The following ZNF37A variants were observed in gnomAD, a reference collection of about 807,000 sequenced individuals.
ZNF37A encodes the protein zinc finger protein 37a (KOX 21).
In ZNF37A, 10 loss-of-function variants were observed where a neutral mutation model predicts 12.3. That is an observed-to-expected ratio of 0.82 (90% CI 0.50 to 1.38). ZNF37A has a LOEUF of 1.38. ZNF37A is among the 40% of genes most tolerant of loss of function. The pLI is 0.00. For synonymous variants in ZNF37A, 207 were observed against 223.0 expected, an observed-to-expected ratio of 0.93 and a Z score of 0.64; for missense variants, 580 against 651.2, an observed-to-expected ratio of 0.89 and a Z score of 1.19.
Position 38,124,187 on chromosome 10 carries a change from G to A in ZNF37A, c.*5350G>A, listed in dbSNP as rs989211458. On this transcript the variant is annotated 3_prime_UTR_variant, in exon 8 of 8. Transcript: ENST00000685332. ...AGATCCTGTCATTTGCAACATTGTAGATGGAACTAGAGATCATTAAGTGAA... is the reference window on the plus strand; with the variant it reads ...AGATCCTGTCATTTGCAACATTGTAAATGGAACTAGAGATCATTAAGTGAA... 6.6e-6 allele frequency: 1 copy of A among 152,126 alleles called. No homozygotes were observed. The highest frequency in any genetic ancestry group is 1.5e-5 in the Non-Finnish European group (1 of 68,048). The allele number at this position is 152,126 out of a possible 1,614,324, so 9.4% of individuals were successfully genotyped here.
downstream of ZNF37A, among the ~76,000 whole-genome samples, chr10:38,129,304 TA>T (rs775705417): frequency 0.024 from 1,385 of 56,910 alleles, 190 homozygotes; most frequent in East Asian, 0.27. Context: ...AGACTCTGTC[TA>T]AAAAAAAAAA....
chr10:38,102,572 AAGAG>A (rs1441223477), intron 5 of ZNF37A, among the ~76,000 whole-genome samples: 2 of 152,224 alleles, frequency 1.3e-5, no homozygotes, highest in Non-Finnish European at 2.9e-5. Context: ...ACATAAAAAA[AAGAG>A]AGAACATAAA....
rs760818353 is a variant in ZNF37A at position 38,115,107 on chromosome 10, G to GTGTGTGTGTGTGTGTA, written c.143-79_143-78insGTGTGTATGTGTGTGT. The GTGTGTGTGTGTGTGTA allele has an allele frequency of 9.8e-4, 898 of 917,028 alleles. 4 individuals carry two copies. Among genetic ancestry groups the GTGTGTGTGTGTGTGTA allele is most frequent in the Middle Eastern group, 2.4e-3 (7 of 2,972 alleles). 56.8% of individuals were successfully genotyped at this position (917,028 alleles called of 1,614,324 possible). ...TGTGTGTGTGTGTGTGTGTGTGTGT[G>GTGTGTGTGTGTGTGTA]TGTGTGTGTACTGTTTGGGGTATAC... On this transcript the variant is annotated intron_variant, in intron 6 of 7. Transcript: ENST00000685332.
At chr10:38,144,756 C>G (rs1390410206) in intron 7 of ZNF37A, among the ~76,000 whole-genome samples, 1 of 152,036 alleles carries the variant, frequency 6.6e-6, no homozygotes, top group Non-Finnish European at 1.5e-5. Flanking sequence ...ATAATAGAAT[C>G]TTGAATTCTT....
chr10:38,116,803 G>A (rs1364987259), intron 7 of ZNF37A, among the ~76,000 whole-genome samples: 1 of 152,104 alleles, frequency 6.6e-6, no homozygotes, highest in East Asian at 1.9e-4. Flanking sequence ...TATTTCTAGT[G>A]AATCAGAGCT....
intron 5 of ZNF37A, among the ~76,000 whole-genome samples, chr10:38,100,910 T>C (rs1188359356): frequency 6.6e-6 from 1 of 152,180 alleles, no homozygotes; most frequent in African/African-American, 2.4e-5. Context: ...GGGGAACTAA[T>C]AAATGTCCGT....
At position 38,120,815 on chromosome 10, in the gene ZNF37A, A is replaced by G. The variant is rs1387740152; in HGVS notation, c.*1978A>G. On this transcript the variant is annotated 3_prime_UTR_variant, in exon 8 of 8. Coordinates refer to ENST00000685332, the MANE Select transcript of ZNF37A (RefSeq NM_001324250.3). ...ATATAATTTCTCAAGAAATTTCCAGATGTCTCATGCTGCATAGGGCAGGAG... is the reference window on the plus strand; with the variant it reads ...ATATAATTTCTCAAGAAATTTCCAGGTGTCTCATGCTGCATAGGGCAGGAG... The G allele has an allele frequency of 1.3e-5, 2 of 152,256 alleles. No homozygotes were observed. The highest frequency in any genetic ancestry group is 4.8e-5 in the African/African-American group (2 of 41,466). The allele number at this position is 152,256 out of a possible 1,614,324, so 9.4% of individuals were successfully genotyped here.
rs780750618 is a variant in ZNF37A at position 38,124,593 on chromosome 10, TTAAAAA to T, written c.*5761_*5766del. The T allele has an allele frequency of 6.6e-6, 1 of 152,090 alleles. No homozygotes were observed. Among genetic ancestry groups the T allele is most frequent in the Non-Finnish European group, 1.5e-5 (1 of 68,016 alleles). 9.4% of individuals were successfully genotyped at this position (152,090 alleles called of 1,614,324 possible). ...TACACCTAGTATGTACCCACAAAAATTAAAAATAAAGTAAAATTTCAATGATTAGGA... is the reference window on the plus strand; with the variant it reads ...TACACCTAGTATGTACCCACAAAAATTAAAGTAAAATTTCAATGATTAGGA... On this transcript the variant is annotated 3_prime_UTR_variant, in exon 8 of 8. Coordinates refer to ENST00000685332, the MANE Select transcript of ZNF37A (RefSeq NM_001324250.3).
chr10:38,118,373 GAA>G lies in ZNF37A; in HGVS notation c.1226_1227del (p.Lys409ThrfsTer3), dbSNP rs1450358422. The G allele has an allele frequency of 2.5e-6, 4 of 1,613,510 alleles. No homozygotes were observed. Among genetic ancestry groups the G allele is most frequent in the Non-Finnish European group, 3.4e-6 (4 of 1,179,942 alleles). On this transcript the variant is annotated frameshift_variant, in exon 8 of 8. Coordinates refer to ENST00000685332, the MANE Select transcript of ZNF37A (RefSeq NM_001324250.3). LOFTEE classifies it low-confidence loss of function (END_TRUNC). ...LIKHQRIHTG[E>X]KPYECNECGK... ...TAAACATCAAAGAATACACACAGGT[GAA>G]AAACCTTATGAATGTAATGAATGTG... is the stretch of plus-strand genomic sequence containing the variant.
Position 38,119,247 on chromosome 10 carries a change from C to T in ZNF37A, c.*410C>T. 1.9e-6 allele frequency: 2 copies of T among 1,046,376 alleles called. No homozygotes were observed. The highest frequency in any genetic ancestry group is 2.3e-6 in the Non-Finnish European group (2 of 855,872). 64.8% of individuals were successfully genotyped at this position (1,046,376 alleles called of 1,614,324 possible). On this transcript the variant is annotated 3_prime_UTR_variant, in exon 8 of 8. Transcript: ENST00000685332. ...TTGGGTGTAATGAATGTGGGAAAAC[C>T]TTTCATCAGAAGTCAGCTCTAATTG... is the stretch of plus-strand genomic sequence containing the variant.
intron 5 of ZNF37A, among the ~76,000 whole-genome samples, chr10:38,100,288 A>T (rs1212323309): frequency 6.6e-6 from 1 of 152,242 alleles, no homozygotes; most frequent in Non-Finnish European, 1.5e-5. Context: ...CACCATTGTC[A>T]TTGATAACAT....
chr10:38,097,583 C>CAAAAAAAAAAAAAAAAAAAAAAAA (rs71007695), intron 5 of ZNF37A, among the ~76,000 whole-genome samples: 13 of 61,946 alleles, frequency 2.1e-4, no homozygotes, highest in Non-Finnish European at 2.5e-4. Flanking sequence ...GACTCTGTCT[C>CAAAAAAAAAAAAAAAAAAAAAAAA]AAAAAAAAAA....
chr10:38,140,729 A>G (rs950233687), intron 7 of ZNF37A: 12 of 152,318 alleles, frequency 7.9e-5, no homozygotes, highest in African/African-American at 2.4e-4. Flanking sequence ...ACATTCTCCA[A>G]TATAATGATT....
chr10:38,114,780 C>G lies in ZNF37A; in HGVS notation c.41C>G (p.Thr14Ser), dbSNP rs1219146156. The stretch of plus-strand genomic sequence containing the variant: ...GGATCAGTGTCGTTTAGGGATGTGA[C>G]TGTGGGCTTCACTCAAGAGGAGTGG... Reference protein sequence around the residue: ...SQGSVSFRDVTVGFTQEEWQH... With the variant: ...SQGSVSFRDVSVGFTQEEWQH... Residue 14 changes from threonine to serine, a missense_variant, in exon 6 of 8, where the codon ACT becomes AGT. Physicochemically the swap from Thr to Ser is moderately conservative, Grantham distance 58. Coordinates refer to ENST00000685332, the MANE Select transcript of ZNF37A (RefSeq NM_001324250.3). 1.2e-6 allele frequency: 2 copies of G among 1,613,826 alleles called. No individual in the cohort carries two copies. Among genetic ancestry groups the G allele is most frequent in the East Asian group, 2.2e-5 (1 of 44,862 alleles).
At chr10:38,104,465 G>GTTTTTTTTT (rs910108245) in intron 5 of ZNF37A, among the ~76,000 whole-genome samples, 1 of 147,316 alleles carries the variant, frequency 6.8e-6, no homozygotes, top group Non-Finnish European at 1.5e-5. Context: ...GGTGTTTTTT[G>GTTTTTTTTT]TTTTTTTTTT....
chr10:38,106,496 A>G (rs1282093297), intron 5 of ZNF37A, among the ~76,000 whole-genome samples: 1 of 152,184 alleles, frequency 6.6e-6, no homozygotes, highest in Admixed American at 6.5e-5. Context: ...CTGGACAGAG[A>G]ATGAGTTTGA....
At position 38,118,203 on chromosome 10, in the gene ZNF37A, G is replaced by A. The variant is rs147833808; in HGVS notation, c.1052G>A (p.Gly351Glu). Residue 351 changes from glycine to glutamate, a missense_variant, in exon 8 of 8, where the codon GGG becomes GAG. Coordinates refer to ENST00000685332, the MANE Select transcript of ZNF37A (RefSeq NM_001324250.3). ...TLTQHQRTHT[G>E]EKPYECHECG... ...ACTCAACATCAAAGAACGCACACAG[G>A]GGAGAAACCATATGAATGTCATGAA... 1.2e-3 allele frequency: 1,952 copies of A among 1,613,988 alleles called. 3 individuals are homozygous for A. Among genetic ancestry groups the A allele is most frequent in the Non-Finnish European group, 1.2e-3 (1,443 of 1,179,940 alleles).
At chr10:38,139,603 T>A (rs2070154924) in intron 7 of ZNF37A, 1 of 152,224 alleles carries the variant, frequency 6.6e-6, no homozygotes, top group South Asian at 2.1e-4. Context: ...CTTGACCTCA[T>A]GATCTGCCCA....
At position 38,112,734 on chromosome 10, in the gene ZNF37A, TCTTTTCTTTTCTTTTCTTTTC is replaced by T. The variant is rs2068803577; in HGVS notation, c.16-2020_16-2000del. Among the ~76,000 whole-genome samples, 19 of 49,898 alleles carry T rather than the reference TCTTTTCTTTTCTTTTCTTTTC, an allele frequency of 3.8e-4. 3 individuals carry two copies. Among genetic ancestry groups the T allele is most frequent in the African/African-American group, 6.4e-4 (8 of 12,522 alleles). 32.7% of individuals were successfully genotyped at this position (49,898 alleles called of 152,430 possible). On this transcript the variant is annotated intron_variant, in intron 5 of 7. Transcript: ENST00000685332. Reference sequence around the variant, plus strand: ...ACAATTCTGTATTTTACATCCATTTTCTTTTCTTTTCTTTTCTTTTCTTTTCTTTTCTTTTCTTTTCTTTTC... The same window carrying T: ...ACAATTCTGTATTTTACATCCATTTTTTTTCTTTTCTTTTCTTTTCTTTTC...
Sources: allele counts gnomAD v4.1 joint callset (sites outside exome capture counted in the v4.1 genomes callset), GRCh38; gene constraint gnomAD v4.1.1; transcripts MANE v1.5; gene names NCBI Gene and HGNC (gene_info 2026-07-23, HGNC 2026-07-21).